GADL1: variants seen among roughly 807,000 people sequenced by gnomAD.
GADL1 encodes GAD like acidic amino acid decarboxylase 1, also known as acidic amino acid decarboxylase GADL1.
Under a neutral mutation model 69.5 loss-of-function variants are expected in GADL1, and 71 were observed. The ratio of observed to expected loss-of-function variants is 1.02; its 90% CI spans 0.84 to 1.25. The LOEUF (loss-of-function observed/expected upper bound fraction) is 1.25. GADL1 is among the 50% of genes most tolerant of loss of function. The pLI, the probability that GADL1 is intolerant of heterozygous loss-of-function variation, is 0.00. For synonymous variants in GADL1, 254 were observed against 214.4 expected (o/e 1.18, Z -1.62); for missense variants, 737 against 631.8 (o/e 1.17, Z -1.79).
At chr3:30,752,257 C>T (rs993399337) in intron 14 of GADL1, among the ~76,000 whole-genome samples, 5 of 152,152 alleles carry the variant, frequency 3.3e-5, no homozygotes, top group South Asian at 2.1e-4. Flanking sequence ...ATCCACAAAC[C>T]GAGCACTAGC....
intron 8 of GADL1, among the ~76,000 whole-genome samples, chr3:30,841,829 G>A (rs1697970596): frequency 6.6e-6 from 1 of 152,148 alleles, no homozygotes; most frequent in African/African-American, 2.4e-5. Flanking sequence ...GACACAGGAT[G>A]TCTCCTGATG....
At chr3:30,752,731 C>T (rs1041683821) in intron 14 of GADL1, among the ~76,000 whole-genome samples, 4 of 152,142 alleles carry the variant, frequency 2.6e-5, no homozygotes, top group Admixed American at 1.3e-4. Context: ...CTCTTAGTTC[C>T]TTTGAGTATT....
Position 30,749,643 on chromosome 3 carries a change from C to T in GADL1, c.1393-21228G>A, listed in dbSNP as rs142323989. Among the ~76,000 whole-genome samples, 107 of 152,226 alleles carry T rather than the reference C, an allele frequency of 7.0e-4. 1 individual carries two copies. In the East Asian group the frequency reaches 0.02, roughly 29 times the overall value. ...GATTTTGTGTGTCTGTGTTTGTGGT[C>T]CTTGAAATAATAGAGAAGGAAGGTT... On this transcript the variant is annotated intron_variant, in intron 14 of 14. Coordinates refer to ENST00000282538, the MANE Select transcript of GADL1 (RefSeq NM_207359.3).
At chr3:30,888,305 T>A (rs1274058217) in intron 1 of GADL1, among the ~76,000 whole-genome samples, 3 of 152,118 alleles carry the variant, frequency 2.0e-5, no homozygotes, top group Non-Finnish European at 4.4e-5. Context: ...AAATTATATT[T>A]CCTCATCTGG....
intron 12 of GADL1, chr3:30,797,802 C>T (rs189042464): frequency 5.8e-4 from 88 of 151,824 alleles, no homozygotes; most frequent in African/African-American, 2.1e-3. Flanking sequence ...AGCAAAAAAT[C>T]CAGGTTTTTT....
At chr3:30,864,357 C>T (rs571464958) in intron 1 of GADL1, among the ~76,000 whole-genome samples, 2 of 151,680 alleles carry the variant, frequency 1.3e-5, no homozygotes, top group South Asian at 4.2e-4. Flanking sequence ...TTTCTCTCAC[C>T]CCGTTCCGTG....
intron 1 of GADL1, among the ~76,000 whole-genome samples, chr3:30,880,313 G>T (rs1431886310): frequency 6.6e-6 from 1 of 151,770 alleles, no homozygotes; most frequent in Admixed American, 6.6e-5. Flanking sequence ...ATATGGTTTG[G>T]CTGTGTCCCC....
intron 14 of GADL1, among the ~76,000 whole-genome samples, chr3:30,752,865 CTA>C (rs1165659710): frequency 2.0e-4 from 31 of 151,940 alleles, no homozygotes; most frequent in African/African-American, 6.1e-4. Context: ...TCTCAAATAA[CTA>C]AAAGTGGCTA....
intron 14 of GADL1, among the ~76,000 whole-genome samples, chr3:30,749,087 A>G (rs1386772723): frequency 1.2e-4 from 18 of 152,124 alleles, no homozygotes; most frequent in Admixed American, 1.1e-3. Context: ...CTTTCAGGAA[A>G]CCTCACTGCA....
intron 14 of GADL1, among the ~76,000 whole-genome samples, chr3:30,758,828 G>C (rs1559490224): frequency 6.6e-6 from 1 of 152,178 alleles, no homozygotes. Context: ...GCAGCACTTT[G>C]TAAAAGCTGG....
chr3:30,746,285 A>G (rs1233529309), intron 14 of GADL1, among the ~76,000 whole-genome samples: 1 of 152,066 alleles, frequency 6.6e-6, no homozygotes, highest in African/African-American at 2.4e-5. Context: ...GAGCCACTGC[A>G]CCCAGCCTCC....
chr3:30,789,340 C>G (rs1037140323), intron 12 of GADL1, among the ~76,000 whole-genome samples: 1 of 152,196 alleles, frequency 6.6e-6, no homozygotes, highest in African/African-American at 2.4e-5. Context: ...CAAGTCTCAA[C>G]AGTGGGCTTC....
intron 14 of GADL1, among the ~76,000 whole-genome samples, chr3:30,765,081 A>C (rs1696238310): frequency 6.6e-6 from 1 of 151,876 alleles, no homozygotes; most frequent in South Asian, 2.1e-4. Flanking sequence ...ACCAAAACTA[A>C]ATAGCAACTT....
At position 30,830,485 on chromosome 3, in the gene GADL1, C is replaced by G. The variant is rs113915467; in HGVS notation, c.1050+3368G>C. Among the ~76,000 whole-genome samples the G allele has an allele frequency of 7.4e-3, 1,129 of 152,012 alleles. 16 individuals carry two copies. Among genetic ancestry groups the G allele is most frequent in the African/African-American group, 0.026 (1,087 of 41,496 alleles). Reference sequence around the variant, plus strand: ...GACTTTTTCTTTCTTACATGTTCTTCCCTGTCTGGTTAGCATCACTCTTTC... The same window carrying G: ...GACTTTTTCTTTCTTACATGTTCTTGCCTGTCTGGTTAGCATCACTCTTTC... On this transcript the variant is annotated intron_variant, in intron 11 of 14. Transcript: ENST00000282538.
chr3:30,750,607 T>G (rs1559486338), intron 14 of GADL1, among the ~76,000 whole-genome samples: 1 of 151,152 alleles, frequency 6.6e-6, no homozygotes, highest in Non-Finnish European at 1.5e-5. Context: ...GCCCACTGTA[T>G]AAAAATTTCC....
intron 1 of GADL1, among the ~76,000 whole-genome samples, chr3:30,878,716 G>A (rs769868371): frequency 2.0e-5 from 3 of 151,854 alleles, no homozygotes; most frequent in Non-Finnish European, 4.4e-5. Flanking sequence ...AGCTGAAGCA[G>A]TCAATTCCAT....
chr3:30,763,712 G>GTT (rs1696198317), intron 14 of GADL1, among the ~76,000 whole-genome samples: 1 of 152,088 alleles, frequency 6.6e-6, no homozygotes, highest in South Asian at 2.1e-4. Context: ...AATTGCAACA[G>GTT]TTTCTCACAT....
intron 11 of GADL1, among the ~76,000 whole-genome samples, chr3:30,831,102 C>A (rs1697782939): frequency 6.6e-6 from 1 of 151,894 alleles, no homozygotes; most frequent in Non-Finnish European, 1.5e-5. Context: ...TATTCTTGTT[C>A]CCCTCCAATT....
intron 11 of GADL1, among the ~76,000 whole-genome samples, chr3:30,801,643 G>T (rs1025933092): frequency 1.3e-5 from 2 of 152,026 alleles, no homozygotes; most frequent in Non-Finnish European, 2.9e-5. Context: ...AATCCCACAG[G>T]GCCTTTTGTG....
Sources: allele counts gnomAD v4.1 joint callset (sites outside exome capture counted in the v4.1 genomes callset), GRCh38; gene constraint gnomAD v4.1.1; transcripts MANE v1.5; gene names NCBI Gene and HGNC (gene_info 2026-07-23, HGNC 2026-07-21).